CNTN6: variants seen among roughly 807,000 people sequenced by gnomAD.
CNTN6 encodes contactin-6.
Under a neutral mutation model 122.8 loss-of-function variants are expected in CNTN6, and 137 were observed. That is an observed-to-expected ratio of 1.12 (90% confidence interval 0.97 to 1.29). CNTN6 has a LOEUF of 1.29. Ranked by LOEUF, CNTN6 falls within the 50% of genes most tolerant of loss-of-function variation. The pLI is 0.00. For synonymous variants in CNTN6, 570 were observed against 426.0 expected (o/e 1.34, Z -4.16); for missense variants, 1,634 against 1,223.4 (o/e 1.34, Z -5.01).
intron 5 of CNTN6, among the ~76,000 whole-genome samples, chr3:1,282,608 C>T (rs752573533): frequency 3.9e-5 from 6 of 152,086 alleles, no homozygotes; most frequent in East Asian, 1.9e-4. Context: ...AAAATATTTC[C>T]GAGAAATGTA....
intron 2 of CNTN6, among the ~76,000 whole-genome samples, chr3:1,201,105 G>T (rs1256108735): frequency 1.8e-5 from 1 of 54,466 alleles, no homozygotes; most frequent in African/African-American, 1.2e-4. Context: ...CATTTTGTGT[G>T]TGTGTGTGTG....
intron 12 of CNTN6, among the ~76,000 whole-genome samples, chr3:1,360,484 A>T (rs1038901926): frequency 6.6e-6 from 1 of 151,936 alleles, no homozygotes; most frequent in African/African-American, 2.4e-5. Flanking sequence ...TTTAAATGTT[A>T]TATTTTCTAA....
chr3:1,399,140 AGTG>A (rs1695346236), intron 20 of CNTN6, among the ~76,000 whole-genome samples: 2 of 152,134 alleles, frequency 1.3e-5, no homozygotes, highest in Admixed American at 1.3e-4. Flanking sequence ...ATGACACTGA[AGTG>A]GTGAATTTGT....
At chr3:1,344,359 T>C (rs1386728413) in intron 11 of CNTN6, among the ~76,000 whole-genome samples, 1 of 152,114 alleles carries the variant, frequency 6.6e-6, no homozygotes, top group Non-Finnish European at 1.5e-5. Context: ...ACAGGCTGTA[T>C]AGAGAAACCA....
chr3:1,236,483 C>CA (rs58304961), intron 4 of CNTN6, among the ~76,000 whole-genome samples: 23,025 of 152,016 alleles, frequency 0.15, 3,129 homozygotes, highest in African/African-American at 0.36. Flanking sequence ...AAAAGCAAAG[C>CA]AATCACTACA....
intron 5 of CNTN6, among the ~76,000 whole-genome samples, chr3:1,280,539 A>G (rs373354527): frequency 7.8e-6 from 1 of 127,716 alleles, no homozygotes; most frequent in South Asian, 2.6e-4. Flanking sequence ...ATCTTGGCTC[A>G]CTGCAACCTC....
intron 3 of CNTN6, among the ~76,000 whole-genome samples, chr3:1,221,149 G>A (rs906090232): frequency 1.3e-5 from 2 of 150,996 alleles, no homozygotes; most frequent in Admixed American, 1.3e-4. Context: ...GGTCAGAAAT[G>A]AGAGAGAGAG....
chr3:1,180,764 G>GC (rs1353716752), intron 2 of CNTN6, among the ~76,000 whole-genome samples: 1 of 152,154 alleles, frequency 6.6e-6, no homozygotes, highest in African/African-American at 2.4e-5. Context: ...TCAGTCCCTT[G>GC]CACCTGCACA....
At chr3:1,396,943 A>G (rs1185896555) in intron 20 of CNTN6, among the ~76,000 whole-genome samples, 3 of 152,204 alleles carry the variant, frequency 2.0e-5, no homozygotes, top group African/African-American at 7.2e-5. Flanking sequence ...CTAGATTTGT[A>G]ATCTGATATT....
intron 11 of CNTN6, among the ~76,000 whole-genome samples, chr3:1,341,265 T>C (rs567259359): frequency 4.0e-5 from 6 of 151,682 alleles, no homozygotes; most frequent in African/African-American, 1.2e-4. Flanking sequence ...TACTTTCTAG[T>C]CTTTTCTTTT....
chr3:1,157,017 CTTTT>C (rs200694885), intron 2 of CNTN6, among the ~76,000 whole-genome samples: 2 of 145,298 alleles, frequency 1.4e-5, no homozygotes, highest in South Asian at 4.3e-4. Context: ...CACCTTGCCT[CTTTT>C]TTTTTTTATT....
chr3:1,345,504 A>C (rs956990529), intron 11 of CNTN6, among the ~76,000 whole-genome samples: 3 of 152,184 alleles, frequency 2.0e-5, no homozygotes, highest in Non-Finnish European at 2.9e-5. Flanking sequence ...TTTGTAATTT[A>C]CTTGTTTGTA....
intron 2 of CNTN6, among the ~76,000 whole-genome samples, chr3:1,170,406 A>AGTT (rs1484576598): frequency 6.6e-6 from 1 of 152,172 alleles, no homozygotes; most frequent in African/African-American, 2.4e-5. Flanking sequence ...AAAGACCCAC[A>AGTT]GTTAGTAGCA....
At chr3:1,379,202 C>T (rs1710309157) in intron 17 of CNTN6, among the ~76,000 whole-genome samples, 1 of 152,076 alleles carries the variant, frequency 6.6e-6, no homozygotes. Flanking sequence ...TACTGTCTTT[C>T]CACGATTTAT....
At chr3:1,222,982 T>C (rs1414044934) in intron 3 of CNTN6, among the ~76,000 whole-genome samples, 1 of 152,158 alleles carries the variant, frequency 6.6e-6, no homozygotes, top group African/African-American at 2.4e-5. Context: ...CCAACTTTAT[T>C]GATAATAAAG....
chr3:1,286,180 T>C (rs991100490), intron 5 of CNTN6, among the ~76,000 whole-genome samples: 2 of 152,208 alleles, frequency 1.3e-5, no homozygotes, highest in Non-Finnish European at 2.9e-5. Flanking sequence ...GTTGGGGAGA[T>C]AGGAAGTAAT....
At chr3:1,279,970 A>T (rs1693084169) in intron 5 of CNTN6, among the ~76,000 whole-genome samples, 1 of 152,204 alleles carries the variant, frequency 6.6e-6, no homozygotes. Context: ...ATTGTTTCAG[A>T]ACACACAATA....
intron 12 of CNTN6, among the ~76,000 whole-genome samples, chr3:1,360,603 T>G (rs1185419515): frequency 1.5e-5 from 2 of 132,648 alleles, no homozygotes; most frequent in Admixed American, 1.4e-4. Context: ...TATACACGTA[T>G]TTTTTTTCTT....
intron 4 of CNTN6, among the ~76,000 whole-genome samples, chr3:1,263,436 A>C (rs1212164684): frequency 6.6e-6 from 1 of 152,166 alleles, no homozygotes; most frequent in Non-Finnish European, 1.5e-5. Flanking sequence ...TTGGTTGTGC[A>C]GACTAATGCT....
Sources: gnomAD v4.1 joint callset for allele counts (sites outside exome capture counted in the v4.1 genomes callset) on GRCh38, gnomAD v4.1.1 for gene constraint, MANE v1.5 for transcripts, NCBI Gene and HGNC (gene_info 2026-07-23, HGNC 2026-07-21) for gene names.